Variants in MCF2L observed in about 807,000 individuals in gnomAD.
The protein encoded by MCF2L is guanine nucleotide exchange factor DBS.
A neutral mutation model predicts 153.4 loss-of-function variants in MCF2L; 97 were observed. That is an observed-to-expected ratio of 0.63 (90% CI 0.54 to 0.75). The LOEUF (loss-of-function observed/expected upper bound fraction) is 0.75, where lower values mean the gene tolerates loss of function less well. Ranked by LOEUF, MCF2L falls within the 30% of genes least tolerant of loss-of-function variation. The pLI is 0.00. For missense variants in MCF2L, 1,347 were observed against 1,495.2 expected (o/e 0.90, Z 1.64); for synonymous variants, 659 against 632.2 (o/e 1.04, Z -0.64).
intron 2 of MCF2L, among the ~76,000 whole-genome samples, chr13:112,928,000 A>G (rs1474601908): frequency 1.3e-5 from 2 of 152,272 alleles, no homozygotes; most frequent in Non-Finnish European, 1.5e-5. Context: ...GAAAAATAAC[A>G]GGAGAAACGT....
intron 2 of MCF2L, among the ~76,000 whole-genome samples, chr13:112,954,559 C>G (rs1380490654): frequency 1.3e-5 from 2 of 152,198 alleles, no homozygotes; most frequent in Non-Finnish European, 2.9e-5. Flanking sequence ...GGAATGACTG[C>G]TTTGCTTGGA....
At chr13:113,023,869 C>T (rs1462354042) in intron 2 of MCF2L, among the ~76,000 whole-genome samples, 2 of 152,252 alleles carry the variant, frequency 1.3e-5, no homozygotes, top group African/African-American at 4.8e-5. Context: ...GTACTGGCCT[C>T]CTCAGAGCAG....
Position 112,970,604 on chromosome 13 carries a change from T to C in MCF2L, c.79+1146T>C, listed in dbSNP as rs112201656. On this transcript the variant is annotated intron_variant, in intron 1 of 29. Transcript: ENST00000535094. ...GGTGAAGGGCTGCGTGGATGCCAGG[T>C]TCACAGGGAGGCTTCCGATCGGCTG... Among the ~76,000 whole-genome samples, 562 of 152,166 alleles carry C rather than the reference T, an allele frequency of 3.7e-3. 1 individual carries two copies. The highest frequency in any genetic ancestry group is 6.4e-3 in the Non-Finnish European group (433 of 67,992).
At position 113,096,388 on chromosome 13, in the gene MCF2L, G is replaced by A. The variant is rs758716883; in HGVS notation, c.3093G>A (p.Thr1031=). Residue 1031 remains threonine, a synonymous_variant, in exon 28 of 30, where the codon ACG becomes ACA. Transcript: ENST00000535094. Reference sequence around the variant, plus strand: ...CCCACCAGGTTCCAGGTAAATACACGGTCGTGGCGGACCACGAGAAGGGAG... The same window carrying A: ...CCCACCAGGTTCCAGGTAAATACACAGTCGTGGCGGACCACGAGAAGGGAG... ...GPKKLVPGKY[T]VVADHEKGGP... is the part of the protein sequence containing the mutation. 4.4e-6 allele frequency: 7 copies of A among 1,584,082 alleles called. No homozygotes were observed. The highest frequency in any genetic ancestry group is 1.2e-5 in the South Asian group (1 of 86,572).
At chr13:113,020,788 ATGTGTAGATG>A (rs1313478167) in intron 2 of MCF2L, among the ~76,000 whole-genome samples, 3 of 104,526 alleles carry the variant, frequency 2.9e-5, no homozygotes, top group African/African-American at 6.9e-5. Flanking sequence ...AGCTGTGTGT[ATGTGTAGATG>A]TGTGTATGTA....
chr13:112,912,886 T>C (rs2081248047), intron 2 of MCF2L, among the ~76,000 whole-genome samples: 1 of 151,622 alleles, frequency 6.6e-6, no homozygotes, highest in Non-Finnish European at 1.5e-5. Flanking sequence ...TGTGTGATTG[T>C]GTGTGTGTCT....
At chr13:113,018,564 C>T (rs1594682574) in intron 2 of MCF2L, among the ~76,000 whole-genome samples, 1 of 152,138 alleles carries the variant, frequency 6.6e-6, no homozygotes, top group African/African-American at 2.4e-5. Context: ...GAGGCAATGG[C>T]GCGTCCCCTG....
At chr13:113,052,063 G>A (rs1276607864) in intron 4 of MCF2L, among the ~76,000 whole-genome samples, 1 of 152,210 alleles carries the variant, frequency 6.6e-6, no homozygotes, top group Non-Finnish European at 1.5e-5. Flanking sequence ...CATTTTAAAT[G>A]TTCTCAGCAC....
intron 2 of MCF2L, among the ~76,000 whole-genome samples, chr13:112,923,640 C>T (rs1229763936): frequency 6.6e-6 from 1 of 151,908 alleles, no homozygotes; most frequent in Non-Finnish European, 1.5e-5. Context: ...TGTTTTTTGC[C>T]ATTACTTTGA....
chr13:112,899,797 T>C (rs868392079), intron 1 of MCF2L, among the ~76,000 whole-genome samples: 1 of 152,232 alleles, frequency 6.6e-6, no homozygotes. Context: ...TCCTCCACCA[T>C]GTCAGTGTGA....
At chr13:113,001,998 G>T in intron 1 of MCF2L, 1 of 1,561,794 alleles carries the variant, frequency 6.4e-7, no homozygotes, top group South Asian at 1.2e-5. Flanking sequence ...GTGGGGCGCG[G>T]GCGGGTCCTC....
At position 112,981,183 on chromosome 13, in the gene MCF2L, C is replaced by T. The variant is rs1404919366; in HGVS notation, c.79+11725C>T. Among the ~76,000 whole-genome samples, 10 of 151,168 alleles carry T rather than the reference C, an allele frequency of 6.6e-5. No homozygotes were observed. The South Asian group carries it at 1.3e-3, about 19-fold the overall frequency. ...TCCCCTTCCTGCGCACTGGGGACCC[C>T]GACACGTCCCCTTCCTGTGCCTGAG... is the stretch of plus-strand genomic sequence containing the variant. On this transcript the variant is annotated intron_variant, in intron 1 of 29. Coordinates refer to ENST00000535094, the MANE Select transcript of MCF2L (RefSeq NM_001112732.3).
rs535902019 is a variant in MCF2L at position 113,044,012 on chromosome 13, A to T, written c.279-1259A>T. 11 of 154,290 alleles carry T rather than the reference A, an allele frequency of 7.1e-5. No individual in the cohort carries two copies. The South Asian group carries it at 1.2e-3, about 17-fold the overall frequency. 9.6% of individuals were successfully genotyped at this position (154,290 alleles called of 1,614,324 possible). ...CACGCCCAGCTGAAAATATAACTTT[A>T]AAAAAAATCTTAGCTCCGTAAGAAC... On this transcript the variant is annotated intron_variant, in intron 3 of 29. Transcript: ENST00000535094.
intron 4 of MCF2L, among the ~76,000 whole-genome samples, chr13:113,055,439 CACACA>C (rs2087694483): frequency 8.4e-6 from 1 of 119,296 alleles, no homozygotes; most frequent in Non-Finnish European, 1.7e-5. Flanking sequence ...CACACACACA[CACACA>C]CCTGGCTTCA....
rs1386496406 is a variant in MCF2L, at chr13:113,064,357, G to A, written c.543G>A (p.Gln181=). 1.2e-6 allele frequency: 2 copies of A among 1,612,998 alleles called. No individual in the cohort carries two copies. Among genetic ancestry groups the A allele is most frequent in the Non-Finnish European group, 1.7e-6 (2 of 1,179,994 alleles). Residue 181 remains glutamine, a synonymous_variant, in exon 6 of 30, where the codon CAG becomes CAA. Transcript: ENST00000535094. The surrounding 1 kb of genome is among the most constrained non-coding windows in gnomAD (Gnocchi z 6.0). ...TACACGGTTACATCGATAAGTCGCA[G>A]CTGACCGAGGACCTGGGTGGGACCC... ...PDLHGYIDKS[Q]LTEDLGGTLD...
Position 113,096,776 on chromosome 13 carries a change from TCGAGCC to T in MCF2L, c.3298_3303del (p.Ser1100_Pro1101del), listed in dbSNP as rs753003746. ...GTCCCCGCCTGATCTCCCCGCAGAG[TCGAGCC>T]CGGGGTCGGCCGTGCTGAGCAACTC... On this transcript the variant is annotated inframe_deletion, in exon 30 of 30. Coordinates refer to ENST00000535094, the MANE Select transcript of MCF2L (RefSeq NM_001112732.3). The T allele has an allele frequency of 6.4e-7, 1 of 1,567,414 alleles. No homozygotes were observed. Among genetic ancestry groups the T allele is most frequent in the South Asian group, 1.1e-5 (1 of 87,018 alleles).
At chr13:113,072,459 T>A (rs531344979) in intron 9 of MCF2L, among the ~76,000 whole-genome samples, 1 of 152,220 alleles carries the variant, frequency 6.6e-6, no homozygotes, top group African/African-American at 2.4e-5. Context: ...TTTTTCACTG[T>A]CAGGTGTAAT....
rs190846936 is a variant in MCF2L at position 113,013,076 on chromosome 13, G to A, written c.80-1687G>A. 1.2e-3 allele frequency among the ~76,000 whole-genome samples: 176 copies of A among 152,268 alleles called. 1 individual carries two copies. The highest frequency in any genetic ancestry group is 4.0e-3 in the African/African-American group (167 of 41,526). ...CCTCCTGGTTTCCTCTCAGGTCACAGTCGCTCCTGGTGAGAGAGAAAAACT... is the reference window on the plus strand; with the variant it reads ...CCTCCTGGTTTCCTCTCAGGTCACAATCGCTCCTGGTGAGAGAGAAAAACT... On this transcript the variant is annotated intron_variant, in intron 1 of 29. Coordinates refer to ENST00000535094, the MANE Select transcript of MCF2L (RefSeq NM_001112732.3).
chr13:113,031,654 A>G lies in MCF2L; in HGVS notation c.278+6896A>G, dbSNP rs531609250. 4.6e-5 allele frequency among the ~76,000 whole-genome samples: 7 copies of G among 152,098 alleles called. No individual in the cohort carries two copies. In the South Asian group the frequency reaches 1.5e-3, roughly 32 times the overall value. On this transcript the variant is annotated intron_variant, in intron 3 of 29. Coordinates refer to ENST00000535094, the MANE Select transcript of MCF2L (RefSeq NM_001112732.3). This position sits in a 1 kb window ranked among gnomAD's most constrained non-coding sequence, Gnocchi z 5.5. ...CCCTCAGAGAAGGGACGAGGTGGGA[A>G]GCCTGGAGCTTGCTGGAGGAGCAGT...
Sources: gnomAD v4.1 joint callset for allele counts (sites outside exome capture counted in the v4.1 genomes callset) on GRCh38, gnomAD v4.1.1 for gene constraint, Gnocchi (gnomAD v3.1) non-coding constraint, MANE v1.5 for transcripts, NCBI Gene and HGNC (gene_info 2026-07-23, HGNC 2026-07-21) for gene names.